Variants in PRR11 observed in about 807,000 individuals in gnomAD.
PRR11 encodes the protein proline rich 11.
A neutral mutation model predicts 45.6 loss-of-function variants in PRR11; 30 were observed. The observed-to-expected ratio is 0.66, with a 90% CI of 0.49 to 0.89. The LOEUF (loss-of-function observed/expected upper bound fraction) is 0.89. PRR11 is among the 40% of genes least tolerant of loss of function. The pLI, the probability that PRR11 is intolerant of heterozygous loss-of-function variation, is 0.00. For missense variants in PRR11, 373 were observed against 424.8 expected, an observed-to-expected ratio of 0.88 and a Z score of 1.07; for synonymous variants, 128 against 153.5, an observed-to-expected ratio of 0.83 and a Z score of 1.23.
rs397834117 is a variant in PRR11, at chr17:59,206,487, A to C, written c.*4856A>C. The stretch of plus-strand genomic sequence containing the variant: ...CTACTGCCATTGTACCAGTGTTAAA[A>C]TGTGTTCTACCTTGCATCTTTTACT... On this transcript the variant is annotated 3_prime_UTR_variant, in exon 10 of 10. Transcript: ENST00000262293. 6.3e-3 allele frequency among the ~76,000 whole-genome samples: 957 copies of C among 152,098 alleles called. 11 individuals carry two copies. Among genetic ancestry groups the C allele is most frequent in the African/African-American group, 0.022 (893 of 41,504 alleles).
In PRR11 at chr17:59,190,944, T is replaced by C. The variant is rs182443274; in HGVS notation, c.403-2548T>C. On this transcript the variant is annotated intron_variant, in intron 4 of 9. Transcript: ENST00000262293. ...AGGAATGGCTACAGGTGAGGGCTAG[T>C]CCCTGGGCCTGTTTGCCCCACTTCA... is the stretch of plus-strand genomic sequence containing the variant. Among the ~76,000 whole-genome samples the C allele has an allele frequency of 3.3e-4, 51 of 152,338 alleles. 1 individual carries two copies. The East Asian group carries it at 9.3e-3, about 28-fold the overall frequency.
chr17:59,173,982 G>A (rs1466214584), intron 2 of PRR11, among the ~76,000 whole-genome samples: 2 of 152,256 alleles, frequency 1.3e-5, no homozygotes, highest in South Asian at 2.1e-4. Context: ...GGTTATTCAC[G>A]TCCCACATCA....
At position 59,205,341 on chromosome 17, in the gene PRR11, A is replaced by G. The variant is rs2046912750; in HGVS notation, c.*3710A>G. Reference sequence around the variant, plus strand: ...CATCTGGTTATGTTTTAAAATAAAGATTAATAAAAGTTTTGGTTTTTCTCT... The same window carrying G: ...CATCTGGTTATGTTTTAAAATAAAGGTTAATAAAAGTTTTGGTTTTTCTCT... On this transcript the variant is annotated 3_prime_UTR_variant, in exon 10 of 10. Transcript: ENST00000262293. Among the ~76,000 whole-genome samples, 1 of 151,920 alleles carries G rather than the reference A, an allele frequency of 6.6e-6. No homozygotes were observed. The highest frequency in any genetic ancestry group is 1.5e-5 in the Non-Finnish European group (1 of 67,980).
intron 9 of PRR11, among the ~76,000 whole-genome samples, chr17:59,199,806 C>G (rs2046883961): frequency 6.6e-6 from 1 of 152,294 alleles, no homozygotes; most frequent in Middle Eastern, 3.4e-3. Flanking sequence ...TCTTACCAAT[C>G]AACTTGGTCC....
Position 59,204,705 on chromosome 17 carries a change from CAAA to C in PRR11, c.*3086_*3088del, listed in dbSNP as rs776227224. Reference sequence around the variant, plus strand: ...TGGACAACAGAGTGAGACCCTGTGTCAAAAAAAAAAAAAAGAAAGAAAGAAAGA... The same window carrying C: ...TGGACAACAGAGTGAGACCCTGTGTCAAAAAAAAAAAGAAAGAAAGAAAGA... On this transcript the variant is annotated 3_prime_UTR_variant, in exon 10 of 10. Transcript: ENST00000262293. 2.3e-4 allele frequency: 26 copies of C among 113,172 alleles called. No individual in the cohort carries two copies. Among genetic ancestry groups the C allele is most frequent in the South Asian group, 2.8e-4 (1 of 3,530 alleles). The allele number at this position is 113,172 out of a possible 1,614,324, so 7.0% of individuals were successfully genotyped here.
At chr17:59,181,763 A>C (rs1313013453) in intron 2 of PRR11, 77 of 1,556,122 alleles carry the variant, frequency 4.9e-5, no homozygotes, top group Non-Finnish European at 6.6e-5. Flanking sequence ...TAAAGAAACC[A>C]GGCCACCATG....
intron 9 of PRR11, 62 bp from the exon 10 acceptor site, chr17:59,201,501 G>C (rs1038496563): frequency 5.9e-6 from 9 of 1,533,188 alleles, no homozygotes; most frequent in Non-Finnish European, 8.0e-6. Context: ...GTTGAGAAAG[G>C]AGAGTTGTAC....
chr17:59,183,411 A>T (rs1449804018), intron 2 of PRR11, among the ~76,000 whole-genome samples: 2 of 152,250 alleles, frequency 1.3e-5, no homozygotes, highest in Admixed American at 1.3e-4. Context: ...AGATTATCAT[A>T]TACAAGAGAT....
intron 2 of PRR11, among the ~76,000 whole-genome samples, chr17:59,183,567 A>G (rs924771128): frequency 9.9e-5 from 15 of 152,268 alleles, no homozygotes; most frequent in African/African-American, 3.4e-4. Flanking sequence ...TTTGAGTCCA[A>G]GAGACATTTT....
At chr17:59,181,731 G>A (rs2046787774) in intron 2 of PRR11, 3 of 1,557,060 alleles carry the variant, frequency 1.9e-6, no homozygotes, top group South Asian at 1.1e-5. Context: ...ATGGGAGGCT[G>A]GGATCTACCC....
intron 7 of PRR11, among the ~76,000 whole-genome samples, chr17:59,196,723 C>CCTAT (rs2046867663): frequency 6.6e-6 from 1 of 152,038 alleles, no homozygotes; most frequent in African/African-American, 2.4e-5. Context: ...GACATCCTTG[C>CCTAT]CTATCAACTC....
chr17:59,201,345 A>G (rs2046891455), intron 9 of PRR11, among the ~76,000 whole-genome samples: 1 of 152,202 alleles, frequency 6.6e-6, no homozygotes, highest in African/African-American at 2.4e-5. Context: ...TCTAGGCAAG[A>G]GAAGGAGAAA....
chr17:59,170,761 A>T (rs1159287017), intron 2 of PRR11, among the ~76,000 whole-genome samples: 3 of 152,162 alleles, frequency 2.0e-5, no homozygotes, highest in African/African-American at 7.2e-5. Flanking sequence ...ATTATCTTCT[A>T]GAGCTAATTA....
intron 1 of PRR11, among the ~76,000 whole-genome samples, chr17:59,158,044 G>A (rs2046634650): frequency 6.6e-6 from 1 of 152,158 alleles, no homozygotes; most frequent in South Asian, 2.1e-4. Context: ...GTGAGTAAAG[G>A]AACCTTCAAA....
intron 7 of PRR11, among the ~76,000 whole-genome samples, chr17:59,197,004 A>G (rs2046869287): frequency 6.6e-6 from 1 of 151,404 alleles, no homozygotes; most frequent in African/African-American, 2.4e-5. Flanking sequence ...ACCCGCCACC[A>G]CGCCCAGCTA....
At chr17:59,159,538 C>T (rs1369250013) in intron 1 of PRR11, among the ~76,000 whole-genome samples, 1 of 152,166 alleles carries the variant, frequency 6.6e-6, no homozygotes, top group African/African-American at 2.4e-5. Context: ...CCAATTTCCA[C>T]GATGCTGCCA....
At chr17:59,158,565 A>C (rs2046636902) in intron 1 of PRR11, among the ~76,000 whole-genome samples, 1 of 152,250 alleles carries the variant, frequency 6.6e-6, no homozygotes, top group Non-Finnish European at 1.5e-5. Flanking sequence ...ATATTTGTAC[A>C]TACGTACAGA....
At chr17:59,195,944 C>T (rs932030392) in intron 7 of PRR11, among the ~76,000 whole-genome samples, 3 of 151,638 alleles carry the variant, frequency 2.0e-5, no homozygotes, top group East Asian at 1.9e-4. Context: ...AAAAATTAGC[C>T]GGATGCAGTG....
chr17:59,172,338 T>C (rs953461064), intron 2 of PRR11, among the ~76,000 whole-genome samples: 3 of 152,230 alleles, frequency 2.0e-5, no homozygotes, highest in African/African-American at 4.8e-5. Context: ...CTGTTCTCTA[T>C]GGATTCCTAG....
Sources: allele counts gnomAD v4.1 joint callset (sites outside exome capture counted in the v4.1 genomes callset), GRCh38; gene constraint gnomAD v4.1.1; transcripts MANE v1.5; gene names NCBI Gene and HGNC (gene_info 2026-07-23, HGNC 2026-07-21).